GRXCR1: variants seen among roughly 807,000 people sequenced by gnomAD.
GRXCR1 encodes glutaredoxin and cysteine rich domain containing 1.
A neutral mutation model predicts 27.3 loss-of-function variants in GRXCR1; 27 were observed. That is an observed-to-expected ratio of 0.99 (90% confidence interval 0.73 to 1.37). The LOEUF is 1.37. Ranked by LOEUF, GRXCR1 falls within the 40% of genes most tolerant of loss-of-function variation. The probability of loss-of-function intolerance (pLI) is 0.00; values close to 1 mark genes in which losing one functional copy is unlikely to be tolerated. For synonymous variants in GRXCR1, 122 were observed against 131.1 expected, an observed-to-expected ratio of 0.93 and a Z score of 0.47; for missense variants, 379 against 354.4, an observed-to-expected ratio of 1.07 and a Z score of -0.56.
At chr4:43,022,397 G>A (rs79455137) in intron 3 of GRXCR1, among the ~76,000 whole-genome samples, 18,775 of 152,090 alleles carry the variant, frequency 0.12, 1,418 homozygotes, top group Non-Finnish European at 0.17. Flanking sequence ...CAGTACCATG[G>A]TAGATAATCT....
chr4:42,941,348 T>A (rs894773844), intron 1 of GRXCR1, among the ~76,000 whole-genome samples: 1 of 152,070 alleles, frequency 6.6e-6, no homozygotes, highest in Non-Finnish European at 1.5e-5. Context: ...AGGTCAGGAA[T>A]TGTAAGTAAC....
chr4:42,953,894 C>A (rs935708362), intron 1 of GRXCR1, among the ~76,000 whole-genome samples: 2 of 151,934 alleles, frequency 1.3e-5, no homozygotes, highest in African/African-American at 4.8e-5. Context: ...ATCATTCAAA[C>A]CTCACAAATC....
At chr4:42,967,606 C>A (rs1748278444) in intron 2 of GRXCR1, among the ~76,000 whole-genome samples, 1 of 152,000 alleles carries the variant, frequency 6.6e-6, no homozygotes, top group South Asian at 2.1e-4. Context: ...TATTTTTCTT[C>A]ATTTTTAGTC....
chr4:43,001,563 T>C (rs1712361334), intron 2 of GRXCR1, among the ~76,000 whole-genome samples: 1 of 151,892 alleles, frequency 6.6e-6, no homozygotes, highest in Non-Finnish European at 1.5e-5. Context: ...ACACATGTCC[T>C]CGGTGTATGT....
At chr4:42,983,994 C>T (rs558970209) in intron 2 of GRXCR1, among the ~76,000 whole-genome samples, 1 of 152,048 alleles carries the variant, frequency 6.6e-6, no homozygotes, top group Admixed American at 6.5e-5. Context: ...CACCATCATG[C>T]CTGAATAATT....
chr4:42,965,471 G>A (rs1345224634), intron 2 of GRXCR1, among the ~76,000 whole-genome samples: 2 of 152,002 alleles, frequency 1.3e-5, no homozygotes, highest in East Asian at 1.9e-4. Context: ...GATTGTAAAT[G>A]GAATACATTG....
chr4:42,936,893 A>G (rs1747473744), intron 1 of GRXCR1, among the ~76,000 whole-genome samples: 1 of 151,904 alleles, frequency 6.6e-6, no homozygotes, highest in Non-Finnish European at 1.5e-5. Flanking sequence ...ATGACTTTTC[A>G]TTGTTGAAGT....
At chr4:42,995,429 T>C (rs898712674) in intron 2 of GRXCR1, among the ~76,000 whole-genome samples, 2 of 152,186 alleles carry the variant, frequency 1.3e-5, no homozygotes, top group African/African-American at 4.8e-5. Context: ...TTTTTTTTGG[T>C]GGAAAAAACA....
At chr4:42,952,126 G>T (rs1006194005) in intron 1 of GRXCR1, among the ~76,000 whole-genome samples, 10 of 152,136 alleles carry the variant, frequency 6.6e-5, no homozygotes, top group Non-Finnish European at 1.5e-4. Context: ...TCTGCTGTAT[G>T]CTTATATATG....
chr4:42,991,394 T>G (rs530248196), intron 2 of GRXCR1, among the ~76,000 whole-genome samples: 2 of 152,028 alleles, frequency 1.3e-5, no homozygotes, highest in South Asian at 4.1e-4. Context: ...TTTGTGTTTT[T>G]CAAGTTTTTA....
intron 2 of GRXCR1, among the ~76,000 whole-genome samples, chr4:42,987,471 G>A (rs112379670): frequency 0.02 from 3,018 of 150,868 alleles, 107 homozygotes; most frequent in African/African-American, 0.07. Context: ...TTGTAGAGAC[G>A]GGGGTCTCAC....
At chr4:42,897,921 CTATTATTATTAT>C (rs3075913) in intron 1 of GRXCR1, among the ~76,000 whole-genome samples, 122 of 127,060 alleles carry the variant, frequency 9.6e-4, no homozygotes, top group African/African-American at 3.1e-3. Flanking sequence ...AAAGTTATTA[CTATTATTATTAT>C]TATTATTATT....
At chr4:42,918,804 TA>T in intron 1 of GRXCR1, among the ~76,000 whole-genome samples, 1 of 152,208 alleles carries the variant, frequency 6.6e-6, no homozygotes, top group Non-Finnish European at 1.5e-5. Flanking sequence ...CTGGACAGGA[TA>T]AATTCACTCT....
In GRXCR1 at chr4:42,963,893, C is replaced by T. The variant is rs185079010; in HGVS notation, c.627+759C>T. On this transcript the variant is annotated intron_variant, in intron 2 of 3. Transcript: ENST00000399770. ...TCACTTATCACAGAACAGAGACCGT[C>T]GAACCACAGATGGATACTTGGATCT... Among the ~76,000 whole-genome samples, 307 of 152,058 alleles carry T rather than the reference C, an allele frequency of 2.0e-3. 1 individual carries two copies. The highest frequency in any genetic ancestry group is 1.7e-3 in the Non-Finnish European group (113 of 67,912).
intron 1 of GRXCR1, among the ~76,000 whole-genome samples, chr4:42,908,895 G>A (rs1746656768): frequency 6.6e-6 from 1 of 152,138 alleles, no homozygotes; most frequent in Non-Finnish European, 1.5e-5. Flanking sequence ...GCAGTGGTGT[G>A]CTGGAGAGAG....
Position 43,020,377 on chromosome 4 carries a change from G to C in GRXCR1, c.651G>C (p.Met217Ile). Residue 217 changes from methionine (M) to isoleucine (I), a missense_variant, in exon 3 of 4, where the codon ATG (methionine) becomes ATC (isoleucine). Met to Ile is a conservative substitution (Grantham distance 10, BLOSUM62 1). Coordinates refer to ENST00000399770, the MANE Select transcript of GRXCR1 (RefSeq NM_001080476.3). The stretch of plus-strand genomic sequence containing the variant: ...AGGGTGCTGAGAAAATTTTGTCAAT[G>C]AATGAATCAGGAGAACTGCAAGACA... ...YLGGAEKILS[M>I]NESGELQDIL... The C allele has an allele frequency of 1.2e-6, 2 of 1,612,104 alleles. No individual in the cohort carries two copies. Among genetic ancestry groups the C allele is most frequent in the Non-Finnish European group, 1.7e-6 (2 of 1,178,298 alleles).
intron 1 of GRXCR1, among the ~76,000 whole-genome samples, chr4:42,900,948 T>G (rs1175477002): frequency 6.6e-6 from 1 of 152,164 alleles, no homozygotes; most frequent in Non-Finnish European, 1.5e-5. Flanking sequence ...CAGGTTCACA[T>G]GCCCTCTCAT....
intron 2 of GRXCR1, among the ~76,000 whole-genome samples, chr4:42,989,197 T>C (rs1330565409): frequency 6.6e-6 from 1 of 152,230 alleles, no homozygotes; most frequent in Non-Finnish European, 1.5e-5. Context: ...ATAATAGTTT[T>C]GGAGGCTGAA....
At chr4:42,978,246 C>T (rs992590676) in intron 2 of GRXCR1, among the ~76,000 whole-genome samples, 1 of 151,990 alleles carries the variant, frequency 6.6e-6, no homozygotes, top group Non-Finnish European at 1.5e-5. Flanking sequence ...TAGTGTGATG[C>T]CTCTAGCTTT....
Sources: gnomAD v4.1 joint callset for allele counts (sites outside exome capture counted in the v4.1 genomes callset) on GRCh38, gnomAD v4.1.1 for gene constraint, MANE v1.5 for transcripts, NCBI Gene and HGNC (gene_info 2026-07-23, HGNC 2026-07-21) for gene names.